Variants in GPR158 observed in about 807,000 individuals in gnomAD.
GPR158 encodes the protein metabotropic glycine receptor.
In GPR158, 30 loss-of-function variants were observed where a neutral mutation model predicts 78.2. The observed-to-expected ratio is 0.38, with a 90% CI of 0.29 to 0.52. GPR158 has a LOEUF of 0.52. Among genes scored for constraint, GPR158 ranks in the 20% least tolerant of loss-of-function variants. The pLI, the probability that GPR158 is intolerant of heterozygous loss-of-function variation, is 0.83. For missense variants in GPR158, 1,463 were observed against 1,523.5 expected, an observed-to-expected ratio of 0.96 and a Z score of 0.66; for synonymous variants, 581 against 591.1, an observed-to-expected ratio of 0.98 and a Z score of 0.25.
intron 2 of GPR158, among the ~76,000 whole-genome samples, chr10:25,231,496 A>G (rs1853447175): frequency 1.3e-5 from 2 of 152,170 alleles, no homozygotes; most frequent in African/African-American, 4.8e-5. Flanking sequence ...TATACAATCT[A>G]TGTCACTGGA....
intron 2 of GPR158, among the ~76,000 whole-genome samples, chr10:25,256,495 C>A (rs1453048216): frequency 6.6e-6 from 1 of 151,832 alleles, no homozygotes; most frequent in Non-Finnish European, 1.5e-5. Flanking sequence ...CTACAATCTA[C>A]AATTTTTTTT....
At chr10:25,226,545 C>T (rs938975831) in intron 2 of GPR158, among the ~76,000 whole-genome samples, 17 of 152,120 alleles carry the variant, frequency 1.1e-4, no homozygotes, top group African/African-American at 3.6e-4. Flanking sequence ...TTTTTAATGC[C>T]ATTATTTCAC....
chr10:25,225,292 TCA>T (rs770702174), intron 2 of GPR158, among the ~76,000 whole-genome samples: 25 of 151,608 alleles, frequency 1.6e-4, no homozygotes, highest in Admixed American at 1.3e-4. Flanking sequence ...ATTTTCTGGG[TCA>T]CACAGCATCT....
At chr10:25,397,156 G>A (rs1588844225) in intron 3 of GPR158, among the ~76,000 whole-genome samples, 1 of 152,002 alleles carries the variant, frequency 6.6e-6, no homozygotes, top group Non-Finnish European at 1.5e-5. Flanking sequence ...TCATATTTAC[G>A]GATCCACCCA....
chr10:25,358,692 C>A (rs824151), intron 2 of GPR158, among the ~76,000 whole-genome samples: 99,472 of 151,902 alleles, frequency 0.65, 35,378 homozygotes, highest in Non-Finnish European at 0.83. Flanking sequence ...ATTGCCCAGT[C>A]TCAGGTATGT....
intron 4 of GPR158, among the ~76,000 whole-genome samples, chr10:25,441,463 C>G (rs1835067052): frequency 6.6e-6 from 1 of 152,184 alleles, no homozygotes; most frequent in Admixed American, 6.5e-5. Context: ...ATTAGACACT[C>G]ACTGTTGGCA....
At chr10:25,477,152 G>A (rs1835599129) in intron 5 of GPR158, among the ~76,000 whole-genome samples, 1 of 151,860 alleles carries the variant, frequency 6.6e-6, no homozygotes, top group African/African-American at 2.4e-5. Flanking sequence ...AACCCATCCA[G>A]AGCATAGGTA....
intron 4 of GPR158, among the ~76,000 whole-genome samples, chr10:25,434,217 G>C (rs1437558851): frequency 1.3e-5 from 2 of 152,036 alleles, no homozygotes; most frequent in Non-Finnish European, 2.9e-5. Flanking sequence ...TACTCCATCT[G>C]GTGGTAGCAA....
At chr10:25,341,585 T>C (rs114783361) in intron 2 of GPR158, among the ~76,000 whole-genome samples, 3,664 of 152,062 alleles carry the variant, frequency 0.024, 151 homozygotes, top group African/African-American at 0.083. Context: ...AAAGATCTAC[T>C]TGTATTGCAG....
At chr10:25,385,007 C>G (rs117910900) in intron 2 of GPR158, among the ~76,000 whole-genome samples, 1 of 151,996 alleles carries the variant, frequency 6.6e-6, no homozygotes, top group African/African-American at 2.4e-5. Context: ...CTATCTTAAC[C>G]TATTTAACTG....
chr10:25,176,126 C>T lies in GPR158; in HGVS notation c.706C>T (p.Arg236Cys). ...GCGCAAGTGGAGGCCCCACTTACAC[C>T]GCCGCGGCCCCAATCAGGGGCCCCG... ...LRRKWRPHLH[R>C]RGPNQGPRGL... The change falls in exon 1 of 11, where the codon CGC becomes TGC. Residue 236 changes from arginine (R) to cysteine (C), a missense_variant. Arg to Cys is a radical substitution (Grantham distance 180, BLOSUM62 -3). Transcript: ENST00000376351. The surrounding 1 kb of genome is among the most constrained non-coding windows in gnomAD (Gnocchi z 6.3). The T allele has an allele frequency of 6.4e-7, 1 of 1,572,616 alleles. No homozygotes were observed. The highest frequency in any genetic ancestry group is 8.6e-7 in the Non-Finnish European group (1 of 1,160,308).
rs748174199 is a variant in GPR158 at position 25,395,863 on chromosome 10, A to G, written c.1009-48A>G. ...ATGGATATCTGCGAGCCTTTATACC[A>G]TGAGATAAGCCATGATCAACTATGT... On this transcript the variant is annotated intron_variant, in intron 2 of 10. Coordinates refer to ENST00000376351, the MANE Select transcript of GPR158 (RefSeq NM_020752.3). The G allele has an allele frequency of 7.8e-6, 7 of 893,526 alleles. No homozygotes were observed. In the South Asian group the frequency reaches 8.4e-5, roughly 11 times the overall value. The allele number at this position is 893,526 out of a possible 1,614,324, so 55.3% of individuals were successfully genotyped here. A position where few individuals can be genotyped will look rare whatever the true frequency, so the allele number is the denominator to read the frequency against.
chr10:25,181,466 A>C (rs938874529), intron 1 of GPR158, among the ~76,000 whole-genome samples: 2 of 152,126 alleles, frequency 1.3e-5, no homozygotes, highest in Non-Finnish European at 2.9e-5. Context: ...ACTTATATAG[A>C]GGTTTAGTTT....
intron 2 of GPR158, among the ~76,000 whole-genome samples, chr10:25,274,583 C>T (rs753025425): frequency 8.5e-5 from 13 of 152,108 alleles, no homozygotes. Flanking sequence ...AACAAATGAT[C>T]CACTTCCAAG....
chr10:25,254,217 ATTTCTT>A (rs2130726348), intron 2 of GPR158, among the ~76,000 whole-genome samples: 1 of 152,250 alleles, frequency 6.6e-6, no homozygotes, highest in South Asian at 2.1e-4. Context: ...CAAATTAATT[ATTTCTT>A]TTTCTTTTCT....
chr10:25,552,485 G>T lies in GPR158; in HGVS notation c.1514+1400G>T, dbSNP rs190968496. Among the ~76,000 whole-genome samples, 5 of 143,636 alleles carry T rather than the reference G, an allele frequency of 3.5e-5. No homozygotes were observed. The East Asian group carries it at 1.6e-3, about 47-fold the overall frequency. 94.2% of individuals were successfully genotyped at this position (143,636 alleles called of 152,430 possible). Reference sequence around the variant, plus strand: ...TTGAAGATAAACTCTGTCCCTGTTAGTCTAGCATTTAGTGTCTAGTGGGTC... The same window carrying T: ...TTGAAGATAAACTCTGTCCCTGTTATTCTAGCATTTAGTGTCTAGTGGGTC... On this transcript the variant is annotated intron_variant, in intron 6 of 10. Transcript: ENST00000376351.
chr10:25,566,013 A>G (rs544248035), intron 6 of GPR158, among the ~76,000 whole-genome samples: 1 of 152,274 alleles, frequency 6.6e-6, no homozygotes, highest in South Asian at 2.1e-4. Context: ...GCAGTAAATT[A>G]TTTTGTGACA....
chr10:25,543,942 C>G (rs1050929728), intron 5 of GPR158, among the ~76,000 whole-genome samples: 2 of 152,146 alleles, frequency 1.3e-5, no homozygotes. Flanking sequence ...AAGCCTTGCT[C>G]TCAAAGACTG....
intron 2 of GPR158, among the ~76,000 whole-genome samples, chr10:25,324,243 G>A (rs113556273): frequency 0.016 from 2,377 of 152,280 alleles, 69 homozygotes; most frequent in African/African-American, 0.054. Flanking sequence ...ACCTGCTTTC[G>A]TCACTAAGTA....
Sources: gnomAD v4.1 joint callset for allele counts (sites outside exome capture counted in the v4.1 genomes callset) on GRCh38, gnomAD v4.1.1 for gene constraint, Gnocchi (gnomAD v3.1) non-coding constraint, MANE v1.5 for transcripts, NCBI Gene and HGNC (gene_info 2026-07-23, HGNC 2026-07-21) for gene names.